Variants in HSD17B12 observed in about 807,000 individuals in gnomAD.
HSD17B12 encodes the protein very-long-chain 3-oxoacyl-CoA reductase.
A neutral mutation model predicts 39.3 loss-of-function variants in HSD17B12; 32 were observed. That is an observed-to-expected ratio of 0.81 (90% confidence interval 0.61 to 1.09). The LOEUF (loss-of-function observed/expected upper bound fraction) is 1.09. Among genes scored for constraint, HSD17B12 ranks in the 50% least tolerant of loss-of-function variants. The pLI is 0.00. For synonymous variants in HSD17B12, 150 were observed against 146.7 expected, an observed-to-expected ratio of 1.02 and a Z score of -0.16; for missense variants, 342 against 382.9, an observed-to-expected ratio of 0.89 and a Z score of 0.89.
chr11:43,564,308 G>C, the HSD17B12 span, among the ~76,000 whole-genome samples: 1 of 152,188 alleles, frequency 6.6e-6, no homozygotes, highest in East Asian at 1.9e-4. Context: ...CAGGTCTGGG[G>C]CAGGATTGAG....
At chr11:43,731,100 G>A (rs540421508) in intron 1 of HSD17B12, among the ~76,000 whole-genome samples, 3 of 152,074 alleles carry the variant, frequency 2.0e-5, no homozygotes, top group Admixed American at 6.5e-5. Context: ...GGGTTCAAGC[G>A]ATTCTCCTGC....
chr11:43,779,649 A>G (rs1950745303), intron 3 of HSD17B12, among the ~76,000 whole-genome samples: 1 of 152,254 alleles, frequency 6.6e-6, no homozygotes, highest in African/African-American at 2.4e-5. Flanking sequence ...GATTGTTTTA[A>G]GGATCAAATG....
chr11:43,574,792 G>A, the HSD17B12 span, among the ~76,000 whole-genome samples: 1 of 152,230 alleles, frequency 6.6e-6, no homozygotes, highest in Non-Finnish European at 1.5e-5. Context: ...TTGAGAGGGA[G>A]AAAGGGTAAA....
At position 43,838,109 on chromosome 11, in the gene HSD17B12, T is replaced by C. The variant is rs1951388866; in HGVS notation, c.537-208T>C. 7 of 546,010 alleles carry C rather than the reference T, an allele frequency of 1.3e-5. No individual in the cohort carries two copies. In the South Asian group the frequency reaches 1.7e-4, roughly 13 times the overall value. The allele number at this position is 546,010 out of a possible 1,614,324, so 33.8% of individuals were successfully genotyped here. ...TTACTAAGACTGGGAAATGAGCTAA[T>C]CGTGAAGAAGAGCTATTTTTAGTTG... On this transcript the variant is annotated intron_variant, in intron 7 of 10. Coordinates refer to ENST00000278353, the MANE Select transcript of HSD17B12 (RefSeq NM_016142.3).
At chr11:43,748,743 A>G (rs1428666022) in intron 1 of HSD17B12, among the ~76,000 whole-genome samples, 2 of 152,356 alleles carry the variant, frequency 1.3e-5, no homozygotes, top group East Asian at 3.9e-4. Context: ...AATGTTTCCT[A>G]TAAACAGGAC....
the HSD17B12 span, among the ~76,000 whole-genome samples, chr11:43,655,372 C>G: frequency 0.023 from 3,461 of 152,016 alleles, 121 homozygotes; most frequent in African/African-American, 0.079. Context: ...TTGACTTCCT[C>G]TTTTCCTAAT....
chr11:43,815,746 C>G (rs1460047293), intron 5 of HSD17B12, among the ~76,000 whole-genome samples: 2 of 152,184 alleles, frequency 1.3e-5, no homozygotes, highest in Non-Finnish European at 2.9e-5. Flanking sequence ...CTCACTTATA[C>G]AGTGCCAGAT....
upstream of HSD17B12, chr11:43,680,580 C>G: frequency 2.0e-6 from 1 of 510,968 alleles, no homozygotes; most frequent in Non-Finnish European, 3.5e-6. Flanking sequence ...CCGGGGGACG[C>G]GGTGATGGGA....
At chr11:43,576,304 C>A in the HSD17B12 span, among the ~76,000 whole-genome samples, 1 of 152,070 alleles carries the variant, frequency 6.6e-6, no homozygotes, top group Admixed American at 6.5e-5. Context: ...GAGGAGGGGG[C>A]GTTTAATGCA....
intron 6 of HSD17B12, among the ~76,000 whole-genome samples, chr11:43,820,315 G>A (rs918383917): frequency 1.3e-5 from 2 of 152,200 alleles, no homozygotes; most frequent in Non-Finnish European, 2.9e-5. Context: ...TATGATGCAT[G>A]TGTTTTTCTT....
intron 9 of HSD17B12, among the ~76,000 whole-genome samples, chr11:43,841,758 T>G (rs1319559435): frequency 6.6e-6 from 1 of 152,190 alleles, no homozygotes; most frequent in Non-Finnish European, 1.5e-5. Context: ...CTCCTGCCTA[T>G]CAGCTACCCC....
intron 9 of HSD17B12, among the ~76,000 whole-genome samples, chr11:43,846,049 C>A (rs973314652): frequency 3.3e-5 from 5 of 152,170 alleles, no homozygotes; most frequent in Non-Finnish European, 5.9e-5. Flanking sequence ...CATCGGTGTG[C>A]CTTGAGGCAG....
chr11:43,694,928 A>G (rs550087095), intron 1 of HSD17B12, among the ~76,000 whole-genome samples: 2 of 152,130 alleles, frequency 1.3e-5, no homozygotes, highest in African/African-American at 4.8e-5. Flanking sequence ...TAACCCTAGC[A>G]CTTTGGGTGG....
chr11:43,643,473 G>A, the HSD17B12 span, among the ~76,000 whole-genome samples: 1 of 152,000 alleles, frequency 6.6e-6, no homozygotes, highest in Admixed American at 6.6e-5. Flanking sequence ...TTATTAAAAT[G>A]TTTCTTTACT....
the HSD17B12 span, among the ~76,000 whole-genome samples, chr11:43,635,823 C>T: frequency 7.4e-6 from 1 of 134,988 alleles, no homozygotes; most frequent in Non-Finnish European, 1.6e-5. Flanking sequence ...ATAGTTATGA[C>T]TATAGTAGCT....
chr11:43,809,087 C>A (rs2135065585), intron 4 of HSD17B12, among the ~76,000 whole-genome samples: 1 of 152,282 alleles, frequency 6.6e-6, no homozygotes, highest in East Asian at 1.9e-4. Flanking sequence ...AAGGATCTCT[C>A]CACTTTGATT....
At chr11:43,592,810 T>C in the HSD17B12 span, among the ~76,000 whole-genome samples, 4 of 152,010 alleles carry the variant, frequency 2.6e-5, no homozygotes, top group Non-Finnish European at 5.9e-5. Context: ...GGAAGGGAAG[T>C]TGATGCTTGC....
chr11:43,781,140 T>G lies in HSD17B12; in HGVS notation c.284-17180T>G, dbSNP rs150910419. 2.2e-3 allele frequency among the ~76,000 whole-genome samples: 334 copies of G among 152,302 alleles called. 1 individual carries two copies. Among genetic ancestry groups the G allele is most frequent in the African/African-American group, 7.7e-3 (319 of 41,570 alleles). On this transcript the variant is annotated intron_variant, in intron 3 of 10. Coordinates refer to ENST00000278353, the MANE Select transcript of HSD17B12 (RefSeq NM_016142.3). ...TCTTGGTGACCTATAAAATTTCCTCTGAATTCACCAGCTTCACCTATTCTG... is the reference window on the plus strand; with the variant it reads ...TCTTGGTGACCTATAAAATTTCCTCGGAATTCACCAGCTTCACCTATTCTG...
At chr11:43,691,450 A>G (rs1949861705) in intron 1 of HSD17B12, among the ~76,000 whole-genome samples, 1 of 152,196 alleles carries the variant, frequency 6.6e-6, no homozygotes, top group South Asian at 2.1e-4. Flanking sequence ...CTCATCTCTA[A>G]GTCTTAGAAT....
Sources: allele counts gnomAD v4.1 joint callset (sites outside exome capture counted in the v4.1 genomes callset), GRCh38; gene constraint gnomAD v4.1.1; transcripts MANE v1.5; gene names NCBI Gene and HGNC (gene_info 2026-07-23, HGNC 2026-07-21).